The following ANAPC10 variants were observed in gnomAD, a reference collection of about 807,000 sequenced individuals.
ANAPC10 encodes the protein anaphase-promoting complex subunit 10.
ANAPC10 carries 12 observed loss-of-function variants against 22.0 expected under a neutral mutation model. That is an observed-to-expected ratio of 0.55 (90% CI 0.35 to 0.88). The LOEUF is 0.88. Among genes scored for constraint, ANAPC10 ranks in the 40% least tolerant of loss-of-function variants. The pLI is 0.01. For synonymous variants in ANAPC10, 65 were observed against 69.5 expected, an observed-to-expected ratio of 0.94 and a Z score of 0.32; for missense variants, 188 against 220.9, an observed-to-expected ratio of 0.85 and a Z score of 0.94.
At chr4:145,081,511 C>T (rs537733182) in intron 3 of ANAPC10, 149 bp downstream of exon 3, 79 of 506,314 alleles carry the variant, frequency 1.6e-4, no homozygotes, top group South Asian at 6.0e-4. Context: ...AATAATCTAA[C>T]TGAACTGAAA....
At chr4:145,059,686 A>T (rs778306608) in intron 4 of ANAPC10, among the ~76,000 whole-genome samples, 1 of 152,112 alleles carries the variant, frequency 6.6e-6, no homozygotes, top group Admixed American at 6.6e-5. Context: ...TTAGTTTCAT[A>T]TTTAAGTACA....
chr4:145,034,523 T>TTATA (rs370113295), intron 4 of ANAPC10, among the ~76,000 whole-genome samples: 5,913 of 91,518 alleles, frequency 0.065, 275 homozygotes, highest in East Asian at 0.12. Context: ...AAACTCTCCT[T>TTATA]TATATATATA....
intron 2 of ANAPC10, among the ~76,000 whole-genome samples, chr4:145,091,091 T>A (rs921782685): frequency 6.6e-6 from 1 of 152,228 alleles, no homozygotes; most frequent in African/African-American, 2.4e-5. Context: ...TCACATGAAG[T>A]AAGACATATG....
At chr4:145,039,337 T>A (rs1739141866) in intron 4 of ANAPC10, among the ~76,000 whole-genome samples, 1 of 152,222 alleles carries the variant, frequency 6.6e-6, no homozygotes, top group African/African-American at 2.4e-5. Context: ...TTCAATATAA[T>A]CTAAATATGC....
At chr4:145,047,936 T>A (rs564244503) in intron 4 of ANAPC10, among the ~76,000 whole-genome samples, 2 of 152,240 alleles carry the variant, frequency 1.3e-5, no homozygotes, top group South Asian at 4.1e-4. Context: ...ACCTTGCTTA[T>A]CATATTTAGC....
intron 4 of ANAPC10, among the ~76,000 whole-genome samples, chr4:145,001,968 C>G (rs192309021): frequency 6.6e-6 from 1 of 152,112 alleles, no homozygotes; most frequent in South Asian, 2.1e-4. Context: ...ATATTAAGTA[C>G]AAAACTGTTT....
At chr4:145,055,844 G>A (rs932905279) in intron 4 of ANAPC10, among the ~76,000 whole-genome samples, 4 of 152,138 alleles carry the variant, frequency 2.6e-5, no homozygotes, top group Admixed American at 6.5e-5. Flanking sequence ...TCATAACCAC[G>A]TGAATACCAT....
intron 2 of ANAPC10, among the ~76,000 whole-genome samples, chr4:145,091,327 G>A (rs1490779809): frequency 6.6e-6 from 1 of 152,156 alleles, no homozygotes; most frequent in East Asian, 1.9e-4. Flanking sequence ...ACCAAGGAAG[G>A]TAAACTTTAC....
At chr4:145,013,431 T>A (rs1734657630) in intron 4 of ANAPC10, among the ~76,000 whole-genome samples, 1 of 152,188 alleles carries the variant, frequency 6.6e-6, no homozygotes, top group African/African-American at 2.4e-5. Flanking sequence ...AAACTCATAC[T>A]GTCATCTCAT....
intron 4 of ANAPC10, among the ~76,000 whole-genome samples, chr4:145,012,873 G>A (rs1734566002): frequency 6.6e-6 from 1 of 152,160 alleles, no homozygotes. Context: ...CCCAATGATG[G>A]AGGGGGGCCT....
At chr4:145,065,912 CTTCT>C (rs1187036667) in intron 3 of ANAPC10, among the ~76,000 whole-genome samples, 27 of 151,722 alleles carry the variant, frequency 1.8e-4, no homozygotes, top group Admixed American at 3.3e-4. Flanking sequence ...TCTTTATTTT[CTTCT>C]TTATGATTTT....
At chr4:145,015,042 C>A (rs752741327) in intron 4 of ANAPC10, among the ~76,000 whole-genome samples, 3 of 151,930 alleles carry the variant, frequency 2.0e-5, no homozygotes, top group Admixed American at 6.6e-5. Flanking sequence ...TAACACCCCC[C>A]AAAAAATCAT....
rs76634706 is a variant in ANAPC10 at position 145,089,944 on chromosome 4, A to G, written c.115+6041T>C. Among the ~76,000 whole-genome samples, 815 of 152,276 alleles carry G rather than the reference A, an allele frequency of 5.4e-3. 10 individuals are homozygous for G. Among genetic ancestry groups the G allele is most frequent in the Non-Finnish European group, 8.1e-3 (553 of 68,004 alleles). ...ACCTTTTCAACTGCTCATATTATCT[A>G]TACAGTAAAGTATGAATTGTTTAAT... On this transcript the variant is annotated intron_variant, in intron 2 of 4. Transcript: ENST00000507656.
intron 4 of ANAPC10, among the ~76,000 whole-genome samples, chr4:145,027,115 T>A (rs1338438813): frequency 7.0e-6 from 1 of 142,484 alleles, no homozygotes; most frequent in Non-Finnish European, 1.5e-5. Flanking sequence ...GCAATTCTCA[T>A]GCCTCAGCCT....
intron 4 of ANAPC10, among the ~76,000 whole-genome samples, chr4:145,026,624 C>A (rs975982424): frequency 6.6e-6 from 1 of 150,976 alleles, no homozygotes; most frequent in East Asian, 2.0e-4. Context: ...ATTATCTGTG[C>A]CTCACTCTTA....
chr4:145,047,619 T>G (rs1264010645), intron 4 of ANAPC10, among the ~76,000 whole-genome samples: 1 of 152,028 alleles, frequency 6.6e-6, no homozygotes, highest in African/African-American at 2.4e-5. Context: ...CTCAATGCCT[T>G]TCATTAAATT....
At chr4:145,068,209 A>G (rs1186763223) in intron 3 of ANAPC10, among the ~76,000 whole-genome samples, 2 of 152,212 alleles carry the variant, frequency 1.3e-5, no homozygotes, top group African/African-American at 4.8e-5. Context: ...AAGCTCTGCT[A>G]CTATATGTTC....
intron 4 of ANAPC10, among the ~76,000 whole-genome samples, chr4:145,028,114 A>C (rs1000796774): frequency 6.6e-6 from 1 of 152,206 alleles, no homozygotes; most frequent in African/African-American, 2.4e-5. Context: ...CCGAGTGTCA[A>C]CTTAATTGGA....
chr4:145,053,163 TAAG>T (rs1387489185), intron 4 of ANAPC10, among the ~76,000 whole-genome samples: 1 of 152,280 alleles, frequency 6.6e-6, no homozygotes, highest in East Asian at 1.9e-4. Context: ...AGGAGATATA[TAAG>T]AACCAGAACA....
Sources: gnomAD v4.1 joint callset for allele counts (sites outside exome capture counted in the v4.1 genomes callset) on GRCh38, gnomAD v4.1.1 for gene constraint, MANE v1.5 for transcripts, NCBI Gene and HGNC (gene_info 2026-07-23, HGNC 2026-07-21) for gene names.